IGFL2: variants seen among roughly 807,000 people sequenced by gnomAD.
The protein encoded by IGFL2 is IGF like family member 2, also known as insulin growth factor-like family member 2.
A neutral mutation model predicts 13.9 loss-of-function variants in IGFL2; 7 were observed. The ratio of observed to expected loss-of-function variants is 0.51; its 90% CI spans 0.29 to 0.95. The LOEUF is 0.95. Ranked by LOEUF, IGFL2 falls within the 40% of genes least tolerant of loss-of-function variation. The pLI is 0.08. For synonymous variants in IGFL2, 55 were observed against 55.8 expected (o/e 0.99, Z 0.07); for missense variants, 138 against 147.8 (o/e 0.93, Z 0.34).
the IGFL2 span, among the ~76,000 whole-genome samples, chr19:46,117,438 C>T: frequency 6.6e-5 from 10 of 151,926 alleles, no homozygotes; most frequent in Non-Finnish European, 1.5e-5. Context: ...TGGTGGTTTC[C>T]AGTCCCTTCT....
At chr19:46,194,848 ATATATTTTTTTTTTTTTTT>A in the IGFL2 span, among the ~76,000 whole-genome samples, 19 of 33,964 alleles carry the variant, frequency 5.6e-4, 1 homozygote, top group African/African-American at 1.6e-3. Context: ...ATATATATAT[ATATATTTTTTTTTTTTTTT>A]TTTTTTTTTT....
chr19:46,133,416 T>G, the IGFL2 span, among the ~76,000 whole-genome samples: 18 of 152,200 alleles, frequency 1.2e-4, no homozygotes, highest in African/African-American at 3.9e-4. Context: ...GGACCTCACA[T>G]TCTGTACTTG....
chr19:46,179,731 C>T, the IGFL2 span, among the ~76,000 whole-genome samples: 7 of 152,048 alleles, frequency 4.6e-5, no homozygotes, highest in African/African-American at 1.2e-4. Context: ...GCTTGACCAA[C>T]GTGATGAAAC....
downstream of IGFL2, among the ~76,000 whole-genome samples, chr19:46,162,842 G>A (rs551213002): frequency 3.9e-5 from 6 of 152,308 alleles, no homozygotes; most frequent in East Asian, 3.9e-4. Context: ...TGCAGAACTA[G>A]TGTGGTCGTT....
chr19:46,118,349 A>G, the IGFL2 span, among the ~76,000 whole-genome samples: 31 of 152,300 alleles, frequency 2.0e-4, no homozygotes, highest in Non-Finnish European at 2.6e-4. Context: ...TTCACCAGAG[A>G]AGAGATGGGA....
At chr19:46,123,045 T>C in the IGFL2 span, among the ~76,000 whole-genome samples, 2 of 151,058 alleles carry the variant, frequency 1.3e-5, no homozygotes, top group African/African-American at 2.5e-5. Flanking sequence ...CTTGAAACAT[T>C]AGATTACTTA....
At position 46,161,187 on chromosome 19, in the gene IGFL2, T is replaced by C; in HGVS notation, c.*99T>C. 1.1e-6 allele frequency: 1 copy of C among 882,232 alleles called. No individual in the cohort carries two copies. The highest frequency in any genetic ancestry group is 1.8e-6 in the Non-Finnish European group (1 of 554,402). The allele number at this position is 882,232 out of a possible 1,614,324, so 54.7% of individuals were successfully genotyped here. The stretch of plus-strand genomic sequence containing the variant: ...AGAGAAGCCTGAGGAATTTACAAAA[T>C]GATGCAGCTCCAAGCCATTGTATGG... On this transcript the variant is annotated 3_prime_UTR_variant, in exon 4 of 4. Transcript: ENST00000377693.
the IGFL2 span, among the ~76,000 whole-genome samples, chr19:46,178,344 T>C: frequency 6.6e-6 from 1 of 151,920 alleles, no homozygotes; most frequent in South Asian, 2.1e-4. Context: ...GATACCAAAT[T>C]TCAACCTGAC....
the IGFL2 span, among the ~76,000 whole-genome samples, chr19:46,092,447 A>G: frequency 7.9e-5 from 12 of 151,982 alleles, no homozygotes; most frequent in African/African-American, 2.7e-4. Context: ...TCTGGTCAAC[A>G]TGGTAAAACC....
At chr19:46,185,412 A>G in the IGFL2 span, among the ~76,000 whole-genome samples, 1,205 of 152,274 alleles carry the variant, frequency 7.9e-3, 22 homozygotes, top group African/African-American at 0.026. Flanking sequence ...GGAGGCAATG[A>G]TGGGGAGATT....
chr19:46,141,931 C>T (rs370548382), upstream of IGFL2, among the ~76,000 whole-genome samples: 9 of 152,298 alleles, frequency 5.9e-5, no homozygotes, highest in African/African-American at 2.2e-4. Flanking sequence ...TCCTTCTCCT[C>T]CTTTTACCTC....
chr19:46,084,397 G>T, the IGFL2 span, among the ~76,000 whole-genome samples: 1 of 152,128 alleles, frequency 6.6e-6, no homozygotes, highest in African/African-American at 2.4e-5. Context: ...GGGTGTTGAA[G>T]TCCCCTACTA....
downstream of IGFL2, among the ~76,000 whole-genome samples, chr19:46,165,771 G>A (rs1182278995): frequency 6.6e-6 from 1 of 152,232 alleles, no homozygotes; most frequent in African/African-American, 2.4e-5. Flanking sequence ...TACAGGCAAA[G>A]GACATAATAG....
At position 46,148,267 on chromosome 19, in the gene IGFL2, C is replaced by T. The variant is rs371551574; in HGVS notation, c.-12C>T. 2 of 1,551,442 alleles carry T rather than the reference C, an allele frequency of 1.3e-6. No individual in the cohort carries two copies. Among genetic ancestry groups the T allele is most frequent in the East Asian group, 2.4e-5 (1 of 40,928 alleles). On this transcript the variant is annotated 5_prime_UTR_variant, in exon 1 of 4. Transcript: ENST00000377693. ...TGCACTGCTGCTGTCCCATCAGCTG[C>T]TCTGAAGCTCCATGGTGCCCAGAAT...
the IGFL2 span, chr19:46,207,759 A>G: frequency 1.3e-5 from 2 of 152,238 alleles, no homozygotes; most frequent in African/African-American, 2.4e-5. Context: ...AGACATTCCT[A>G]TCACTCAGGA....
chr19:46,179,348 G>C, the IGFL2 span: 2 of 136,402 alleles, frequency 1.5e-5, no homozygotes, highest in African/African-American at 6.9e-5. Flanking sequence ...TCATAGGGTG[G>C]GGGGGGTCTG....
the IGFL2 span, chr19:46,209,974 T>C: frequency 1.3e-4 from 20 of 152,050 alleles, no homozygotes; most frequent in African/African-American, 3.9e-4. Context: ...TAAACGCATA[T>C]ACTTAATTGT....
At chr19:46,079,395 C>T in the IGFL2 span, among the ~76,000 whole-genome samples, 1 of 152,362 alleles carries the variant, frequency 6.6e-6, no homozygotes, top group South Asian at 2.1e-4. Context: ...GAAAATGGAG[C>T]TCAGCGAGTC....
the IGFL2 span, among the ~76,000 whole-genome samples, chr19:46,123,693 A>C: frequency 6.6e-6 from 1 of 150,806 alleles, no homozygotes; most frequent in African/African-American, 2.5e-5. Flanking sequence ...TTTATGCAGG[A>C]GGACTGTTTG....
Sources: gnomAD v4.1 joint callset for allele counts (sites outside exome capture counted in the v4.1 genomes callset) on GRCh38, gnomAD v4.1.1 for gene constraint, MANE v1.5 for transcripts, NCBI Gene and HGNC (gene_info 2026-07-23, HGNC 2026-07-21) for gene names.